The following RIMS1 variants were observed in gnomAD, a reference collection of about 807,000 sequenced individuals.
RIMS1 encodes the protein regulating synaptic membrane exocytosis 1, also known as regulating synaptic membrane exocytosis protein 1.
RIMS1 carries 83 observed loss-of-function variants against 214.1 expected under a neutral mutation model. The observed-to-expected ratio is 0.39, with a 90% CI of 0.32 to 0.47. The LOEUF is 0.47. RIMS1 is among the 20% of genes least tolerant of loss of function. RIMS1 has a pLI of 0.99. For missense variants in RIMS1, 2,050 were observed against 2,161.8 expected (o/e 0.95, Z 1.03); for synonymous variants, 793 against 786.8 (o/e 1.01, Z -0.13).
intron 22 of RIMS1, among the ~76,000 whole-genome samples, chr6:72,271,908 T>G (rs6931422): frequency 0.71 from 107,539 of 152,128 alleles, 38,884 homozygotes; most frequent in East Asian, 0.98. Context: ...TTCACAGCCT[T>G]TTTATTCAAT....
In RIMS1 at chr6:72,045,459, G is replaced by A. The variant is rs1182393794; in HGVS notation, c.246-51490G>A. 8.6e-5 allele frequency among the ~76,000 whole-genome samples: 13 copies of A among 151,964 alleles called. 1 individual carries two copies. The East Asian group carries it at 2.5e-3, about 29-fold the overall frequency. ...ACTTTAGTAGACTGGGAAATCCATA[G>A]TATTTAATCTCATGGATAAAATATA... On this transcript the variant is annotated intron_variant, in intron 2 of 33. Coordinates refer to ENST00000521978, the MANE Select transcript of RIMS1 (RefSeq NM_014989.7).
chr6:71,896,236 C>G (rs1304227963), intron 1 of RIMS1, among the ~76,000 whole-genome samples: 1 of 152,076 alleles, frequency 6.6e-6, no homozygotes, highest in Non-Finnish European at 1.5e-5. Context: ...AAATAAAATA[C>G]AGTAAAGTCT....
At chr6:71,897,256 T>A (rs1772074434) in intron 1 of RIMS1, among the ~76,000 whole-genome samples, 1 of 152,178 alleles carries the variant, frequency 6.6e-6, no homozygotes, top group Admixed American at 6.5e-5. Context: ...TGAAGGAACC[T>A]CTTGATTCAT....
intron 1 of RIMS1, among the ~76,000 whole-genome samples, chr6:71,955,563 C>A (rs1791004793): frequency 6.6e-6 from 1 of 152,016 alleles, no homozygotes; most frequent in African/African-American, 2.4e-5. Flanking sequence ...GGATAGGTTG[C>A]TTTGTTACTG....
chr6:72,212,083 T>G (rs1215114540), intron 6 of RIMS1, among the ~76,000 whole-genome samples: 2 of 152,130 alleles, frequency 1.3e-5, no homozygotes, highest in Non-Finnish European at 2.9e-5. Flanking sequence ...TTACAACATT[T>G]TCTGTATTGA....
At chr6:72,114,673 G>GTGAA (rs1303686718) in intron 4 of RIMS1, among the ~76,000 whole-genome samples, 3 of 151,880 alleles carry the variant, frequency 2.0e-5, no homozygotes, top group Non-Finnish European at 4.4e-5. Context: ...GAATGAATGA[G>GTGAA]TGAATGAATG....
At chr6:72,341,490 A>G (rs984436685) in intron 29 of RIMS1, among the ~76,000 whole-genome samples, 2 of 151,844 alleles carry the variant, frequency 1.3e-5, no homozygotes, top group African/African-American at 4.8e-5. Flanking sequence ...TTTTATGAAG[A>G]AGACATCTAT....
chr6:72,357,791 G>A (rs2097693153), intron 29 of RIMS1, among the ~76,000 whole-genome samples: 1 of 152,106 alleles, frequency 6.6e-6, no homozygotes, highest in South Asian at 2.1e-4. Flanking sequence ...CCGTATCTCA[G>A]TCATAATTCC....
intron 26 of RIMS1, among the ~76,000 whole-genome samples, chr6:72,303,657 G>A (rs921120854): frequency 8.6e-5 from 13 of 151,384 alleles, no homozygotes; most frequent in Non-Finnish European, 8.9e-5. Context: ...ACATTGAATT[G>A]ATTTGTGACA....
chr6:72,290,938 T>G, intron 25 of RIMS1, 77 bp downstream of exon 25: 1 of 1,354,884 alleles, frequency 7.4e-7, no homozygotes, highest in Non-Finnish European at 1.0e-6. Context: ...TCCTGAGCAC[T>G]TGAAGCTTTC....
rs115456585 is a variant in RIMS1 at position 72,304,693 on chromosome 6, G to A, written c.3851-2565G>A. On this transcript the variant is annotated intron_variant, in intron 26 of 33. Coordinates refer to ENST00000521978, the MANE Select transcript of RIMS1 (RefSeq NM_014989.7). ...CAGCGATTATGAAAAAACTTTTACTGAAGCACAATAACTTGTATAAACAGT... is the reference window on the plus strand; with the variant it reads ...CAGCGATTATGAAAAAACTTTTACTAAAGCACAATAACTTGTATAAACAGT... 4.4e-3 allele frequency among the ~76,000 whole-genome samples: 665 copies of A among 151,916 alleles called. 7 individuals carry two copies. The highest frequency in any genetic ancestry group is 0.015 in the African/African-American group (632 of 41,500).
intron 1 of RIMS1, among the ~76,000 whole-genome samples, chr6:71,895,673 CAA>C (rs70994105): frequency 0.15 from 9,628 of 63,750 alleles, 223 homozygotes; most frequent in East Asian, 0.36. Context: ...GACTCCCTCT[CAA>C]AAAAAAAAAA....
rs188038381 is a variant in RIMS1, at chr6:72,025,151, G to A, written c.245+56088G>A. On this transcript the variant is annotated intron_variant, in intron 2 of 33. Transcript: ENST00000521978. ...ACTCCTGACCTCAAGTGATCTGCCC[G>A]TCTTGCTCTCCCAAGTGCTGGGATT... Among the ~76,000 whole-genome samples, 123 of 152,174 alleles carry A rather than the reference G, an allele frequency of 8.1e-4. 1 individual carries two copies. The highest frequency in any genetic ancestry group is 2.6e-3 in the African/African-American group (108 of 41,516).
intron 1 of RIMS1, among the ~76,000 whole-genome samples, chr6:71,946,593 A>T (rs1401879669): frequency 2.6e-5 from 4 of 152,220 alleles, no homozygotes; most frequent in African/African-American, 9.6e-5. Flanking sequence ...AGAAGAAAGA[A>T]ATTAAACCCT....
At chr6:72,002,108 C>G (rs71557810) in intron 2 of RIMS1, among the ~76,000 whole-genome samples, 2,705 of 152,202 alleles carry the variant, frequency 0.018, 42 homozygotes, top group Non-Finnish European at 0.028. Flanking sequence ...TTTTCTGGCT[C>G]TCATCAGTCC....
intron 29 of RIMS1, among the ~76,000 whole-genome samples, chr6:72,338,859 G>GAGAGAT (rs2096941463): frequency 6.8e-6 from 1 of 146,550 alleles, no homozygotes; most frequent in Admixed American, 6.8e-5. Context: ...AAGAGAGAGA[G>GAGAGAT]AGAGAGAGAG....
chr6:72,266,927 T>A (rs1272488262), intron 22 of RIMS1, among the ~76,000 whole-genome samples: 1 of 152,138 alleles, frequency 6.6e-6, no homozygotes, highest in Non-Finnish European at 1.5e-5. Context: ...CGCTCCTCCT[T>A]CTTAGTAGGC....
At position 72,262,083 on chromosome 6, in the gene RIMS1, C is replaced by A. The variant is rs1044350366; in HGVS notation, c.3116+1316C>A. 2.3e-5 allele frequency: 23 copies of A among 984,584 alleles called. No individual in the cohort carries two copies. The African/African-American group carries it at 4.0e-4, about 17-fold the overall frequency. 61.0% of individuals were successfully genotyped at this position (984,584 alleles called of 1,614,324 possible). ...CACACAAAACAAACACAAAAAAAAT[C>A]CTTATATTTTAAGCTACTTAGTGTG... On this transcript the variant is annotated intron_variant, in intron 19 of 33. Coordinates refer to ENST00000521978, the MANE Select transcript of RIMS1 (RefSeq NM_014989.7).
At chr6:71,998,479 T>C (rs567271102) in intron 2 of RIMS1, among the ~76,000 whole-genome samples, 1 of 152,262 alleles carries the variant, frequency 6.6e-6, no homozygotes, top group South Asian at 2.1e-4. Context: ...GCATGTCTCC[T>C]CCATTAGAAT....
Sources: gnomAD v4.1 joint callset for allele counts (sites outside exome capture counted in the v4.1 genomes callset) on GRCh38, gnomAD v4.1.1 for gene constraint, MANE v1.5 for transcripts, NCBI Gene and HGNC (gene_info 2026-07-23, HGNC 2026-07-21) for gene names.